The following CD300LG variants were observed in gnomAD, a reference collection of about 807,000 sequenced individuals.
The protein encoded by CD300LG is CD300 molecule like family member g, also known as CMRF35-like molecule 9.
A neutral mutation model predicts 31.5 loss-of-function variants in CD300LG; 29 were observed. The ratio of observed to expected loss-of-function variants is 0.92; its 90% CI spans 0.68 to 1.25. The LOEUF (loss-of-function observed/expected upper bound fraction) is 1.25, where lower values mean the gene tolerates loss of function less well. CD300LG is among the 50% of genes most tolerant of loss of function. The pLI, the probability that CD300LG is intolerant of heterozygous loss-of-function variation, is 0.00. For missense variants in CD300LG, 396 were observed against 417.6 expected (o/e 0.95, Z 0.45); for synonymous variants, 175 against 177.2 (o/e 0.99, Z 0.10).
chr17:43,851,490 G>C (rs996982102), intron 2 of CD300LG, among the ~76,000 whole-genome samples: 3 of 152,152 alleles, frequency 2.0e-5, no homozygotes, highest in Non-Finnish European at 2.9e-5. Flanking sequence ...AAGAGAAAGT[G>C]GTGGAGAAAG....
At chr17:43,857,781 T>C (rs1264402480) in intron 6 of CD300LG, 2 of 1,537,278 alleles carry the variant, frequency 1.3e-6, no homozygotes, top group Admixed American at 2.0e-5. Context: ...CCTGCTCTTC[T>C]CTTTCCAGAA....
intron 2 of CD300LG, chr17:43,850,039 C>T (rs1054659414): frequency 2.6e-5 from 4 of 152,178 alleles, no homozygotes; most frequent in African/African-American, 9.7e-5. Context: ...TAGGTTTACC[C>T]TCATTTGTAA....
At position 43,858,073 on chromosome 17, in the gene CD300LG, C is replaced by T. The variant is rs563691861; in HGVS notation, c.885+917C>T. On this transcript the variant is annotated intron_variant, in intron 6 of 6. Coordinates refer to ENST00000317310, the MANE Select transcript of CD300LG (RefSeq NM_145273.4). ...CCTCTGCTGTTTACTGAGATGCCTC[C>T]ACTCCATTCCTTTAAACACAAGGGC... is the stretch of plus-strand genomic sequence containing the variant. 2,514 of 1,416,062 alleles carry T rather than the reference C, an allele frequency of 1.8e-3. 1 individual carries two copies. Among genetic ancestry groups the T allele is most frequent in the Non-Finnish European group, 2.1e-3 (2,332 of 1,088,586 alleles). The allele number at this position is 1,416,062 out of a possible 1,614,324, so 87.7% of individuals were successfully genotyped here.
intron 6 of CD300LG, among the ~76,000 whole-genome samples, chr17:43,860,713 G>C (rs1023600608): frequency 6.6e-6 from 1 of 152,224 alleles, no homozygotes; most frequent in Admixed American, 6.5e-5. Context: ...GTTATTCGAC[G>C]AATCTTTGGC....
Position 43,848,913 on chromosome 17 carries a change from C to T in CD300LG, c.379+20C>T, listed in dbSNP as rs2046267826. ...TTCCAGGTAACAGATATCTCTCCTT[C>T]CCCAGGCTGGGGACAGGAGCTGCAG... On this transcript the variant is annotated intron_variant, in intron 2 of 6. Transcript: ENST00000317310. 1.3e-6 allele frequency: 2 copies of T among 1,597,792 alleles called. No individual in the cohort carries two copies. Among genetic ancestry groups the T allele is most frequent in the Non-Finnish European group, 8.6e-7 (1 of 1,167,132 alleles).
rs987527488 is a variant in CD300LG at position 43,862,117 on chromosome 17, C to A, written c.*206C>A. 1 of 437,200 alleles carries A rather than the reference C, an allele frequency of 2.3e-6. No homozygotes were observed. Among genetic ancestry groups the A allele is most frequent in the Non-Finnish European group, 4.1e-6 (1 of 245,570 alleles). The allele number at this position is 437,200 out of a possible 1,614,324, so 27.1% of individuals were successfully genotyped here. A position where few individuals can be genotyped will look rare whatever the true frequency, so the allele number is the denominator to read the frequency against. ...CCTGGAGCCCAGAGCGGTGGCCTTG[C>A]TCTTCCGGCTGGAGACTGGGACATC... On this transcript the variant is annotated 3_prime_UTR_variant, in exon 7 of 7. Coordinates refer to ENST00000317310, the MANE Select transcript of CD300LG (RefSeq NM_145273.4).
At chr17:43,853,668 C>T in intron 3 of CD300LG, 139 bp from the exon 4 acceptor site, 1 of 668,822 alleles carries the variant, frequency 1.5e-6, no homozygotes, top group Non-Finnish European at 2.6e-6. Flanking sequence ...TGTTTGCTTA[C>T]TGGGGTATCC....
At chr17:43,851,358 G>A (rs1466730641) in intron 2 of CD300LG, among the ~76,000 whole-genome samples, 1 of 152,122 alleles carries the variant, frequency 6.6e-6, no homozygotes, top group African/African-American at 2.4e-5. Flanking sequence ...GCTCACTGGG[G>A]CATTTTGGAT....
intron 1 of CD300LG, among the ~76,000 whole-genome samples, chr17:43,848,159 C>T (rs572923403): frequency 6.6e-6 from 1 of 151,998 alleles, no homozygotes; most frequent in African/African-American, 2.4e-5. Flanking sequence ...GGAGAATCAC[C>T]TGAACCCGGG....
intron 6 of CD300LG, chr17:43,857,769 C>T: frequency 6.5e-7 from 1 of 1,536,912 alleles, no homozygotes; most frequent in East Asian, 2.4e-5. Flanking sequence ...GATTTCTTGA[C>T]TCCTGCTCTT....
intron 4 of CD300LG, among the ~76,000 whole-genome samples, chr17:43,854,697 T>C (rs1179298047): frequency 6.6e-6 from 1 of 152,082 alleles, no homozygotes; most frequent in African/African-American, 2.4e-5. Context: ...ACCGGGAACT[T>C]CCCCACACAC....
chr17:43,847,400 TG>T, intron 1 of CD300LG, 141 bp downstream of exon 1: 6 of 325,834 alleles, frequency 1.8e-5, no homozygotes, highest in South Asian at 8.0e-5. Flanking sequence ...GGGCTGGGGG[TG>T]GGGGGAGGTG....
intron 2 of CD300LG, chr17:43,849,533 C>T (rs1328593942): frequency 1.3e-5 from 2 of 152,750 alleles, no homozygotes; most frequent in Non-Finnish European, 2.9e-5. Context: ...AAGCACCTCT[C>T]TGGGAGCCCA....
intron 1 of CD300LG, among the ~76,000 whole-genome samples, chr17:43,847,671 A>G (rs1713545451): frequency 1.3e-5 from 2 of 152,248 alleles, no homozygotes; most frequent in Non-Finnish European, 2.9e-5. Flanking sequence ...CGTTTCATCA[A>G]TTCTTTTGCT....
Position 43,862,922 on chromosome 17 carries a change from A to G in CD300LG, c.*1011A>G, listed in dbSNP as rs1252942886. On this transcript the variant is annotated 3_prime_UTR_variant, in exon 7 of 7. Coordinates refer to ENST00000317310, the MANE Select transcript of CD300LG (RefSeq NM_145273.4). Reference sequence around the variant, plus strand: ...TGCACGTAGGTGTCTAACACAGAGGAGAGTAGGAACAGGGCGGATACCTGA... The same window carrying G: ...TGCACGTAGGTGTCTAACACAGAGGGGAGTAGGAACAGGGCGGATACCTGA... 3 of 151,982 alleles carry G rather than the reference A, an allele frequency of 2.0e-5. No homozygotes were observed. The highest frequency in any genetic ancestry group is 4.4e-5 in the Non-Finnish European group (3 of 68,064). The allele number at this position is 151,982 out of a possible 1,614,324, so 9.4% of individuals were successfully genotyped here. A position where few individuals can be genotyped will look rare whatever the true frequency, so the allele number is the denominator to read the frequency against.
chr17:43,860,226 G>T (rs2046624502), intron 6 of CD300LG, among the ~76,000 whole-genome samples: 1 of 152,152 alleles, frequency 6.6e-6, no homozygotes, highest in Non-Finnish European at 1.5e-5. Flanking sequence ...CAGTCAGACA[G>T]TCTCCAGTAT....
chr17:43,857,261 T>G, intron 6 of CD300LG, 105 bp downstream of exon 6: 1 of 1,477,740 alleles, frequency 6.8e-7, no homozygotes, highest in Middle Eastern at 1.9e-4. Flanking sequence ...CCTCCTTGCC[T>G]GACCTAGAGG....
intron 5 of CD300LG, among the ~76,000 whole-genome samples, chr17:43,856,168 T>C (rs920691784): frequency 3.9e-5 from 6 of 152,204 alleles, no homozygotes; most frequent in African/African-American, 1.4e-4. Flanking sequence ...CATTATCATT[T>C]TGATATGGAA....
chr17:43,861,797 G>T lies in CD300LG; in HGVS notation c.886-1G>T. 6.3e-7 allele frequency: 1 copy of T among 1,596,032 alleles called. No individual in the cohort carries two copies. The highest frequency in any genetic ancestry group is 1.1e-5 in the South Asian group (1 of 88,440). ...TCCAAACCCCACTGTTGTCTTTACA[G>T]ACTGCGGAGGAAAAGGAAGCCCCTT... On this transcript the variant is annotated splice_acceptor_variant, in intron 6 of 6. Transcript: ENST00000317310. LOFTEE classifies it high-confidence loss of function.
Sources: allele counts gnomAD v4.1 joint callset (sites outside exome capture counted in the v4.1 genomes callset), GRCh38; gene constraint gnomAD v4.1.1; transcripts MANE v1.5; gene names NCBI Gene and HGNC (gene_info 2026-07-23, HGNC 2026-07-21).